Variants in VSIR observed in about 807,000 individuals in gnomAD.
VSIR encodes V-type immunoglobulin domain-containing suppressor of T-cell activation.
VSIR carries 10 observed loss-of-function variants against 31.0 expected under a neutral mutation model. The ratio of observed to expected loss-of-function variants is 0.32; its 90% CI spans 0.20 to 0.55. The LOEUF is 0.55. Ranked by LOEUF, VSIR falls within the 20% of genes least tolerant of loss-of-function variation. The probability of loss-of-function intolerance (pLI) is 0.93; values close to 1 mark genes in which losing one functional copy is unlikely to be tolerated. For missense variants in VSIR, 356 were observed against 416.2 expected (o/e 0.86, Z 1.26); for synonymous variants, 179 against 180.1 (o/e 0.99, Z 0.05).
At position 71,751,267 on chromosome 10, in the gene VSIR, A is replaced by G; in HGVS notation, c.922T>C (p.Phe308Leu). The G allele has an allele frequency of 6.2e-7, 1 of 1,610,304 alleles. No homozygotes were observed. Among genetic ancestry groups the G allele is most frequent in the Non-Finnish European group, 8.5e-7 (1 of 1,177,982 alleles). Reference protein sequence around the residue: ...SLDPVPDSPNFEVI With the variant: ...SLDPVPDSPNLEVI ...CCCCAGCTGGGCTAGATGACCTCAA[A>G]GTTTGGAGAGTCAGGGACAGGGTCT... The change falls in exon 7 of 7, where the codon TTT (phenylalanine) becomes CTT (leucine). Residue 308 changes from phenylalanine to leucine, a missense_variant. Coordinates refer to ENST00000394957, the MANE Select transcript of VSIR (RefSeq NM_022153.2). The surrounding 1 kb of genome is among the most constrained non-coding windows in gnomAD (Gnocchi z 4.9).
intron 3 of VSIR, among the ~76,000 whole-genome samples, chr10:71,758,265 G>A (rs76072578): frequency 1.3e-5 from 2 of 152,182 alleles, no homozygotes; most frequent in African/African-American, 4.8e-5. Flanking sequence ...TGTTGGGTCC[G>A]TGGTTTAGCT....
intron 1 of VSIR, among the ~76,000 whole-genome samples, chr10:71,773,121 T>C (rs1840724769): frequency 1.3e-5 from 2 of 152,236 alleles, no homozygotes; most frequent in African/African-American, 2.4e-5. Context: ...CAGCCCTGCC[T>C]GCCACTTGGG....
chr10:71,765,127 G>C (rs1840502031), intron 1 of VSIR, among the ~76,000 whole-genome samples: 1 of 152,204 alleles, frequency 6.6e-6, no homozygotes, highest in Non-Finnish European at 1.5e-5. Flanking sequence ...CTGCCCCAAG[G>C]GGGCCCTGTG....
intron 1 of VSIR, among the ~76,000 whole-genome samples, chr10:71,765,246 G>C (rs1311192062): frequency 1.3e-5 from 2 of 152,242 alleles, no homozygotes; most frequent in African/African-American, 4.8e-5. Flanking sequence ...AGCCACCCCA[G>C]GGCTGGGAGC....
chr10:71,756,415 T>C (rs1840149865), intron 3 of VSIR, among the ~76,000 whole-genome samples: 1 of 152,224 alleles, frequency 6.6e-6, no homozygotes, highest in South Asian at 2.1e-4. Context: ...CCCCTGTTGG[T>C]AGACATGTTG....
Position 71,751,111 on chromosome 10 carries a change from T to C in VSIR, c.*142A>G. On this transcript the variant is annotated 3_prime_UTR_variant, in exon 7 of 7. Coordinates refer to ENST00000394957, the MANE Select transcript of VSIR (RefSeq NM_022153.2). This position sits in a 1 kb window ranked among gnomAD's most constrained non-coding sequence, Gnocchi z 4.9. ...TCCAGAGGGGTTGAGGGGCTGGGCT[T>C]CTGGGATGTCACAGTATCTGAGCCC... The C allele has an allele frequency of 2.0e-6, 2 of 998,970 alleles. No homozygotes were observed. The highest frequency in any genetic ancestry group is 1.5e-6 in the Non-Finnish European group (1 of 685,796). 61.9% of individuals were successfully genotyped at this position (998,970 alleles called of 1,614,324 possible). A position where few individuals can be genotyped will look rare whatever the true frequency, so the allele number is the denominator to read the frequency against.
chr10:71,754,546 G>A (rs1840085106), intron 4 of VSIR, among the ~76,000 whole-genome samples: 1 of 152,134 alleles, frequency 6.6e-6, no homozygotes, highest in Admixed American at 6.5e-5. Context: ...TCAAGGGCAG[G>A]GTCAGGAACT....
chr10:71,755,299 TG>T, intron 4 of VSIR, 59 bp downstream of exon 4: 1 of 1,456,648 alleles, frequency 6.9e-7, no homozygotes. Context: ...GGGGCTGAAC[TG>T]GGGGCTGGAG....
chr10:71,751,878 A>G lies in VSIR; in HGVS notation c.705-17T>C, dbSNP rs1159458821. The G allele has an allele frequency of 2.6e-6, 4 of 1,538,330 alleles. No homozygotes were observed. In the South Asian group the frequency reaches 5.0e-5, roughly 19 times the overall value. On this transcript the variant is annotated splice_polypyrimidine_tract_variant and intron_variant, in intron 5 of 6. Transcript: ENST00000394957. This position sits in a 1 kb window ranked among gnomAD's most constrained non-coding sequence, Gnocchi z 4.9. ...TGAATGTTGCTGCCACAGAACCAGAATGGAAGGTCATCTGTGCTGTCCGGA... is the reference window on the plus strand; with the variant it reads ...TGAATGTTGCTGCCACAGAACCAGAGTGGAAGGTCATCTGTGCTGTCCGGA...
chr10:71,748,435 G>C lies in VSIR; in HGVS notation c.*2818C>G, dbSNP rs1245552477. On this transcript the variant is annotated 3_prime_UTR_variant, in exon 7 of 7. Coordinates refer to ENST00000394957, the MANE Select transcript of VSIR (RefSeq NM_022153.2). ...CCATGGTGTGTTTTTAGGGAGTGCT[G>C]AGCAGTCCCCGCTGTGTCAGCAAAA... The C allele has an allele frequency of 1.3e-5, 2 of 152,398 alleles. No individual in the cohort carries two copies. Among genetic ancestry groups the C allele is most frequent in the East Asian group, 3.9e-4 (2 of 5,180 alleles). The allele number at this position is 152,398 out of a possible 1,614,324, so 9.4% of individuals were successfully genotyped here.
intron 1 of VSIR, among the ~76,000 whole-genome samples, chr10:71,770,108 C>T (rs1030405116): frequency 2.0e-5 from 3 of 152,230 alleles, no homozygotes; most frequent in Non-Finnish European, 4.4e-5. Context: ...TCACCAATGC[C>T]TTCCCAGGCC....
At chr10:71,773,258 G>A in intron 1 of VSIR, 100 bp downstream of exon 1, 1 of 1,354,532 alleles carries the variant, frequency 7.4e-7, no homozygotes, top group South Asian at 1.3e-5. Context: ...CGGTCACACA[G>A]GCTGAGAGGG....
At chr10:71,759,908 CACACACATATATACACACACACATATAT>C (rs1440790919) in intron 3 of VSIR, among the ~76,000 whole-genome samples, 2 of 98,424 alleles carry the variant, frequency 2.0e-5, no homozygotes, top group Non-Finnish European at 4.5e-5. Flanking sequence ...CATATATACA[CACACACATATATACACACACACATATAT>C]ACACACACAC....
In VSIR at chr10:71,760,914, T is replaced by C. The variant is rs1840365091; in HGVS notation, c.522A>G (p.Ala174=). The C allele has an allele frequency of 6.2e-7, 1 of 1,613,702 alleles. No individual in the cohort carries two copies. Among genetic ancestry groups the C allele is most frequent in the Non-Finnish European group, 8.5e-7 (1 of 1,179,768 alleles). Residue 174 remains alanine (A), a synonymous_variant, in exon 3 of 7, where the codon GCA becomes GCG. Coordinates refer to ENST00000394957, the MANE Select transcript of VSIR (RefSeq NM_022153.2). The stretch of plus-strand genomic sequence containing the variant: ...ATGGGTACACCACACAGTTGGATGG[T>C]GCATCTTTGCCTGTGGGAACAAACA... The part of the protein sequence containing the change: ...MELQVQTGKD[A]PSNCVVYPSS...
Position 71,749,537 on chromosome 10 carries a change from C to G in VSIR, c.*1716G>C, listed in dbSNP as rs143089953. ...TGACCAGAGGGAACAAAAGAAGGGACCCCCCTCTGCCTAGGGACAAGGGAG... is the reference window on the plus strand; with the variant it reads ...TGACCAGAGGGAACAAAAGAAGGGAGCCCCCTCTGCCTAGGGACAAGGGAG... On this transcript the variant is annotated 3_prime_UTR_variant, in exon 7 of 7. Transcript: ENST00000394957. The G allele has an allele frequency of 2.0e-5, 3 of 152,212 alleles. No individual in the cohort carries two copies. The highest frequency in any genetic ancestry group is 4.8e-5 in the African/African-American group (2 of 41,430). The allele number at this position is 152,212 out of a possible 1,614,324, so 9.4% of individuals were successfully genotyped here.
chr10:71,752,951 CAAG>C, intron 5 of VSIR, 21 bp downstream of exon 5: 2 of 1,611,664 alleles, frequency 1.2e-6, no homozygotes, highest in East Asian at 2.2e-5. Context: ...GAAGTTTTCT[CAAG>C]AAGGTCTCCA....
chr10:71,751,011 G>A lies in VSIR; in HGVS notation c.*242C>T. ...TGGCATCTGTAGCTGGTGAATTTCA[G>A]GTCTCTAGGGGAGAATCTCAGCACC... On this transcript the variant is annotated 3_prime_UTR_variant, in exon 7 of 7. Coordinates refer to ENST00000394957, the MANE Select transcript of VSIR (RefSeq NM_022153.2). The surrounding 1 kb of genome is among the most constrained non-coding windows in gnomAD (Gnocchi z 4.9). 2.1e-6 allele frequency: 1 copy of A among 468,452 alleles called. No homozygotes were observed. The highest frequency in any genetic ancestry group is 4.2e-5 in the South Asian group (1 of 23,704). 29.0% of individuals were successfully genotyped at this position (468,452 alleles called of 1,614,324 possible). A position where few individuals can be genotyped will look rare whatever the true frequency, so the allele number is the denominator to read the frequency against.
intron 1 of VSIR, among the ~76,000 whole-genome samples, chr10:71,768,328 G>A (rs1402913191): frequency 2.6e-5 from 4 of 152,030 alleles, no homozygotes; most frequent in Admixed American, 6.6e-5. Flanking sequence ...CCGCCACCAC[G>A]CCTGGCTAAT....
At chr10:71,763,315 T>C (rs1840445522) in intron 1 of VSIR, among the ~76,000 whole-genome samples, 1 of 152,216 alleles carries the variant, frequency 6.6e-6, no homozygotes, top group Non-Finnish European at 1.5e-5. Flanking sequence ...GCCAGTGGTA[T>C]TTTTATTTTA....
Sources: gnomAD v4.1 joint callset for allele counts (sites outside exome capture counted in the v4.1 genomes callset) on GRCh38, gnomAD v4.1.1 for gene constraint, Gnocchi (gnomAD v3.1) non-coding constraint, MANE v1.5 for transcripts, NCBI Gene and HGNC (gene_info 2026-07-23, HGNC 2026-07-21) for gene names.